FLRT1: variants seen among roughly 807,000 people sequenced by gnomAD.
The protein encoded by FLRT1 is fibronectin leucine rich transmembrane protein 1.
In FLRT1, 14 loss-of-function variants were observed where a neutral mutation model predicts 30.9. The observed-to-expected ratio is 0.45, with a 90% CI of 0.30 to 0.71. The LOEUF is 0.71. Ranked by LOEUF, FLRT1 falls within the 30% of genes least tolerant of loss-of-function variation. The pLI, the probability that FLRT1 is intolerant of heterozygous loss-of-function variation, is 0.08. For missense variants in FLRT1, 737 were observed against 949.2 expected, an observed-to-expected ratio of 0.78 and a Z score of 2.94; for synonymous variants, 368 against 430.4, an observed-to-expected ratio of 0.85 and a Z score of 1.80.
intron 1 of FLRT1, among the ~76,000 whole-genome samples, chr11:64,089,226 G>A (rs1195532149): frequency 1.3e-5 from 2 of 152,294 alleles, no homozygotes; most frequent in East Asian, 3.9e-4. Flanking sequence ...ATTGCACCGC[G>A]GAGGTGAGGG....
chr11:64,050,383 C>T (rs889346991), intron 1 of FLRT1, among the ~76,000 whole-genome samples: 10 of 152,218 alleles, frequency 6.6e-5, no homozygotes, highest in Admixed American at 2.0e-4. Context: ...CAGCTGGACA[C>T]GTAGGGGTCC....
At chr11:64,107,673 G>A (rs1228263003) in intron 2 of FLRT1, among the ~76,000 whole-genome samples, 1 of 152,248 alleles carries the variant, frequency 6.6e-6, no homozygotes, top group Admixed American at 6.5e-5. Flanking sequence ...AATGATACCA[G>A]TGGATGGGAT....
chr11:64,064,724 GC>G lies in FLRT1; in HGVS notation c.-1038+28567del, dbSNP rs1943965122. Among the ~76,000 whole-genome samples, 1 of 150,270 alleles carries G rather than the reference GC, an allele frequency of 6.7e-6. No individual in the cohort carries two copies. Among genetic ancestry groups the G allele is most frequent in the Admixed American group, 6.7e-5 (1 of 14,954 alleles). ...CCCTGAGTTCTCCTCTCCCCTCCCT[GC>G]CAGCCCCCCAGCAGGCAGCCAGGCC... On this transcript the variant is annotated intron_variant, in intron 1 of 2. Transcript: ENST00000682287. This position sits in a 1 kb window ranked among gnomAD's most constrained non-coding sequence, Gnocchi z 4.5.
At chr11:64,116,046 C>A (rs908985369) in intron 2 of FLRT1, among the ~76,000 whole-genome samples, 173 bp from the exon 3 acceptor site, 5 of 152,228 alleles carry the variant, frequency 3.3e-5, no homozygotes, top group African/African-American at 1.2e-4. Flanking sequence ...GGAGCAATCA[C>A]CTGCGGCATA....
rs561182933 is a variant in FLRT1, at chr11:64,048,205, G to A, written c.-1038+12046G>A. Among the ~76,000 whole-genome samples, 5 of 152,356 alleles carry A rather than the reference G, an allele frequency of 3.3e-5. No individual in the cohort carries two copies. In the South Asian group the frequency reaches 6.2e-4, roughly 19 times the overall value. On this transcript the variant is annotated intron_variant, in intron 1 of 2. Coordinates refer to ENST00000682287, the MANE Select transcript of FLRT1 (RefSeq NM_013280.5). ...CAGACAGACAGGGCTTGTGAGAGCC[G>A]GGGGCCTTCGAGGAGAGCTCAGCTC...
intron 2 of FLRT1, among the ~76,000 whole-genome samples, chr11:64,114,638 AATGG>A (rs980576422): frequency 2.8e-5 from 4 of 142,724 alleles, no homozygotes; most frequent in African/African-American, 1.1e-4. Flanking sequence ...TGCATGCATG[AATGG>A]ATGGATGGAT....
At chr11:64,043,795 C>T (rs1943533485) in intron 1 of FLRT1, among the ~76,000 whole-genome samples, 1 of 151,206 alleles carries the variant, frequency 6.6e-6, no homozygotes, top group African/African-American at 2.4e-5. Context: ...ACCAAGGTCA[C>T]GTAGCCAGGA....
At chr11:64,087,425 C>T (rs899052280) in intron 1 of FLRT1, among the ~76,000 whole-genome samples, 1 of 152,194 alleles carries the variant, frequency 6.6e-6, no homozygotes, top group Non-Finnish European at 1.5e-5. Context: ...CTCCGGGGTG[C>T]GTCTGCCTCC....
intron 1 of FLRT1, among the ~76,000 whole-genome samples, chr11:64,038,350 C>G (rs568685970): frequency 2.0e-5 from 3 of 152,346 alleles, no homozygotes; most frequent in African/African-American, 7.2e-5. Context: ...AGTTGTCCCA[C>G]AGAGAGGATG....
chr11:64,053,668 T>A lies in FLRT1; in HGVS notation c.-1038+17509T>A, dbSNP rs139654976. ...CTGGCTCAGCGGGGTCCTCAGCAGG[T>A]GTGACTGCCTGGGGGAAGGGGCTTA... On this transcript the variant is annotated intron_variant, in intron 1 of 2. Coordinates refer to ENST00000682287, the MANE Select transcript of FLRT1 (RefSeq NM_013280.5). Among the ~76,000 whole-genome samples, 179 of 152,216 alleles carry A rather than the reference T, an allele frequency of 1.2e-3. 4 individuals are homozygous for A. In the East Asian group the frequency reaches 0.027, roughly 23 times the overall value.
rs1945021349 is a variant in FLRT1 at position 64,117,909 on chromosome 11, A to G, written c.1642A>G (p.Met548Val). 6.2e-7 allele frequency: 1 copy of G among 1,613,902 alleles called. No individual in the cohort carries two copies. Among genetic ancestry groups the G allele is most frequent in the Non-Finnish European group, 8.5e-7 (1 of 1,179,944 alleles). Residue 548 changes from methionine (M) to valine (V), a missense_variant, in exon 3 of 3, where the codon ATG (methionine) becomes GTG (valine). Met to Val is a conservative substitution (Grantham distance 21). Coordinates refer to ENST00000682287, the MANE Select transcript of FLRT1 (RefSeq NM_013280.5). ...TLNQEQNAGPMASLPLAGIIG... is the reference protein window; with the variant it reads ...TLNQEQNAGPVASLPLAGIIG... ...CAACCAGGAGCAGAACGCTGGCCCC[A>G]TGGCGAGCCTGCCCCTGGCGGGCAT...
intron 1 of FLRT1, among the ~76,000 whole-genome samples, chr11:64,063,513 G>A (rs111341408): frequency 2.6e-5 from 4 of 152,294 alleles, no homozygotes; most frequent in African/African-American, 9.6e-5. Context: ...TCCTGGCAAA[G>A]TCCCAGGTGC....
intron 1 of FLRT1, among the ~76,000 whole-genome samples, chr11:64,099,676 A>G (rs1944637511): frequency 6.6e-6 from 1 of 151,638 alleles, no homozygotes; most frequent in African/African-American, 2.4e-5. Flanking sequence ...GGATAGATTG[A>G]TGGAGGGATG....
chr11:64,116,908 C>T lies in FLRT1; in HGVS notation c.641C>T (p.Pro214Leu). 2 of 1,611,480 alleles carry T rather than the reference C, an allele frequency of 1.2e-6. No individual in the cohort carries two copies. The highest frequency in any genetic ancestry group is 1.7e-6 in the Non-Finnish European group (2 of 1,180,018). ...GATGACAACCGCATCTCCACCATCC[C>T]GCTGCATGCCTTCAAGGGCCTCAAC... ...RLDDNRISTI[P>L]LHAFKGLNSL... is the part of the protein sequence containing the mutation. Residue 214 changes from proline to leucine, a missense_variant, in exon 3 of 3, where the codon CCG (proline) becomes CTG (leucine). Physicochemically the swap from Pro to Leu is moderately conservative, Grantham distance 98. Transcript: ENST00000682287.
intron 2 of FLRT1, among the ~76,000 whole-genome samples, chr11:64,106,413 T>C (rs1394789620): frequency 5.3e-5 from 8 of 152,362 alleles, no homozygotes; most frequent in Admixed American, 4.6e-4. Context: ...AGATGTTTAC[T>C]GAGCACTTTC....
intron 1 of FLRT1, among the ~76,000 whole-genome samples, chr11:64,102,683 A>G (rs950132752): frequency 3.3e-5 from 5 of 152,214 alleles, no homozygotes; most frequent in South Asian, 4.1e-4. Flanking sequence ...GGCACCATGC[A>G]TGGCCAATTG....
intron 1 of FLRT1, among the ~76,000 whole-genome samples, chr11:64,063,414 C>T (rs954590680): frequency 1.3e-5 from 2 of 151,956 alleles, no homozygotes; most frequent in African/African-American, 4.8e-5. Context: ...GCCCAAGGAG[C>T]GATGGAGGGA....
chr11:64,097,026 G>C (rs774277115), intron 1 of FLRT1, among the ~76,000 whole-genome samples: 1 of 152,174 alleles, frequency 6.6e-6, no homozygotes, highest in African/African-American at 2.4e-5. Flanking sequence ...CACTCCAGGC[G>C]GATGAGAACT....
chr11:64,097,932 G>A (rs1354113358), intron 1 of FLRT1, among the ~76,000 whole-genome samples: 2 of 152,104 alleles, frequency 1.3e-5, no homozygotes, highest in African/African-American at 4.8e-5. Context: ...CTCCAGTGAG[G>A]AGAAGGAGGC....
Sources: gnomAD v4.1 joint callset for allele counts (sites outside exome capture counted in the v4.1 genomes callset) on GRCh38, gnomAD v4.1.1 for gene constraint, Gnocchi (gnomAD v3.1) non-coding constraint, MANE v1.5 for transcripts, NCBI Gene and HGNC (gene_info 2026-07-23, HGNC 2026-07-21) for gene names.